The following CC2D2A variants were observed in gnomAD, a reference collection of about 807,000 sequenced individuals.
The protein encoded by CC2D2A is coiled-coil and C2 domain-containing protein 2A.
Under a neutral mutation model 212.9 loss-of-function variants are expected in CC2D2A, and 155 were observed. That is an observed-to-expected ratio of 0.73 (90% CI 0.64 to 0.83). The LOEUF is 0.83. Among genes scored for constraint, CC2D2A ranks in the 40% least tolerant of loss-of-function variants. The probability of loss-of-function intolerance (pLI) is 0.00; values close to 1 mark genes in which losing one functional copy is unlikely to be tolerated. For missense variants in CC2D2A, 1,856 were observed against 1,956.2 expected, an observed-to-expected ratio of 0.95 and a Z score of 0.97; for synonymous variants, 667 against 686.5, an observed-to-expected ratio of 0.97 and a Z score of 0.44.
At chr4:15,533,824 T>G (rs1211490904) in intron 14 of CC2D2A, among the ~76,000 whole-genome samples, 2 of 152,240 alleles carry the variant, frequency 1.3e-5, no homozygotes, top group East Asian at 1.9e-4. Context: ...TATTCCATTT[T>G]CAACTGTTAC....
At chr4:15,534,374 A>G (rs1362052066) in intron 14 of CC2D2A, among the ~76,000 whole-genome samples, 1 of 152,184 alleles carries the variant, frequency 6.6e-6, no homozygotes, top group Non-Finnish European at 1.5e-5. Context: ...TGCTTTTTAA[A>G]TGCTTCCCCT....
At chr4:15,518,504 T>A (rs1717013518) in intron 11 of CC2D2A, among the ~76,000 whole-genome samples, 1 of 152,184 alleles carries the variant, frequency 6.6e-6, no homozygotes, top group Non-Finnish European at 1.5e-5. Context: ...TGGAGGACAG[T>A]GGCCCTCTTC....
intron 30 of CC2D2A, among the ~76,000 whole-genome samples, chr4:15,582,592 T>C (rs1037268204): frequency 6.6e-6 from 1 of 152,010 alleles, no homozygotes; most frequent in African/African-American, 2.4e-5. Context: ...ATTATAAAAC[T>C]TGGAAGAAAC....
intron 22 of CC2D2A, among the ~76,000 whole-genome samples, chr4:15,559,669 T>TCTTTTTTTG (rs151108036): frequency 1.3e-5 from 2 of 151,734 alleles, no homozygotes; most frequent in Admixed American, 6.6e-5. Context: ...CGTTTGTCCT[T>TCTTTTTTTG]TTTCCTTCTT....
rs185577950 is a variant in CC2D2A at position 15,569,597 on chromosome 4, A to G, written c.3495+208A>G. ...AAAGTGGTGAAAGAATAGCTACTCC[A>G]TAGACAGAATAGGGTGTTCTCGAAA... On this transcript the variant is annotated intron_variant, in intron 27 of 36. Coordinates refer to ENST00000424120, the MANE Select transcript of CC2D2A (RefSeq NM_001378615.1). Among the ~76,000 whole-genome samples, 379 of 152,324 alleles carry G rather than the reference A, an allele frequency of 2.5e-3. 3 individuals carry two copies. The highest frequency in any genetic ancestry group is 8.8e-3 in the African/African-American group (364 of 41,570).
intron 30 of CC2D2A, among the ~76,000 whole-genome samples, chr4:15,581,544 C>T (rs981135542): frequency 2.0e-5 from 3 of 152,286 alleles, no homozygotes; most frequent in Admixed American, 1.3e-4. Context: ...CTACAGCAGC[C>T]TGGAAGACTG....
chr4:15,510,070 C>A (rs1716481067), intron 6 of CC2D2A, 69 bp from the exon 7 acceptor site: 1 of 1,216,316 alleles, frequency 8.2e-7, no homozygotes, highest in Non-Finnish European at 1.2e-6. Flanking sequence ...GGGGGTTAAC[C>A]TTCATTTTAG....
chr4:15,559,235 T>C lies in CC2D2A; in HGVS notation c.2900T>C (p.Ile967Thr), dbSNP rs794727374. The change falls in exon 22 of 37, where the codon ATA (isoleucine) becomes ACA (threonine). Residue 967 changes from isoleucine to threonine, a missense_variant. By Grantham distance (89) the Ile-to-Thr change is moderately conservative. This residue lies in a region of CC2D2A where 1,512 missense variants were observed against 1,579.3 expected (regional missense o/e 0.96). Coordinates refer to ENST00000424120, the MANE Select transcript of CC2D2A (RefSeq NM_001378615.1). ...TKEHIDTHRA[I>T]VAKYLQQVRE... ...GAACACATAGACACCCATAGGGCCA[T>C]AGTAGCCAAGTACCTCCAGCAGGTA... The C allele has an allele frequency of 1.4e-5, 21 of 1,552,690 alleles. No homozygotes were observed. Among genetic ancestry groups the C allele is most frequent in the Middle Eastern group, 1.7e-4 (1 of 5,994 alleles).
chr4:15,486,774 G>A (rs1015982044), intron 4 of CC2D2A, among the ~76,000 whole-genome samples: 3 of 151,828 alleles, frequency 2.0e-5, no homozygotes, highest in South Asian at 4.1e-4. Flanking sequence ...CATTTTTGAC[G>A]TAGGTATTTA....
At chr4:15,546,416 A>G (rs1718713265) in intron 17 of CC2D2A, among the ~76,000 whole-genome samples, 1 of 152,108 alleles carries the variant, frequency 6.6e-6, no homozygotes. Flanking sequence ...ATTTTTCCTT[A>G]TTAGTCAATC....
Position 15,526,170 on chromosome 4 carries a change from T to C in CC2D2A, c.1150-1277T>C, listed in dbSNP as rs193049288. On this transcript the variant is annotated intron_variant, in intron 11 of 36. Coordinates refer to ENST00000424120, the MANE Select transcript of CC2D2A (RefSeq NM_001378615.1). ...AGGGCTGTCTTCCCTTCTAAATTGA[T>C]TGCTGCTTGAAGACAGGCTGTATCA... is the stretch of plus-strand genomic sequence containing the variant. 2.1e-3 allele frequency among the ~76,000 whole-genome samples: 318 copies of C among 152,322 alleles called. 3 individuals carry two copies. Among genetic ancestry groups the C allele is most frequent in the Non-Finnish European group, 2.0e-3 (139 of 68,026 alleles).
intron 31 of CC2D2A, 21 bp from the exon 32 acceptor site, chr4:15,587,795 A>AT (rs752759735): frequency 6.4e-4 from 842 of 1,315,162 alleles, no homozygotes; most frequent in Non-Finnish European, 8.0e-4. Flanking sequence ...ATACAACATA[A>AT]TTTTTTTTTC....
chr4:15,514,640 T>A (rs996923870), intron 8 of CC2D2A, 67 bp from the exon 9 acceptor site: 79 of 1,253,216 alleles, frequency 6.3e-5, no homozygotes, highest in Non-Finnish European at 7.3e-5. Flanking sequence ...AGTTTGGTAT[T>A]GTGAATTATT....
chr4:15,556,342 C>T (rs1443818409), intron 20 of CC2D2A, among the ~76,000 whole-genome samples: 1 of 152,094 alleles, frequency 6.6e-6, no homozygotes, highest in Non-Finnish European at 1.5e-5. Flanking sequence ...CATAACAAAC[C>T]TTGGTTTATT....
intron 23 of CC2D2A, among the ~76,000 whole-genome samples, 176 bp from the exon 24 acceptor site, chr4:15,563,179 T>C (rs972465477): frequency 2.0e-5 from 3 of 152,226 alleles, no homozygotes; most frequent in Non-Finnish European, 2.9e-5. Flanking sequence ...TAACAATCCA[T>C]GCAGTAGGAT....
chr4:15,477,578 T>C (rs1714312276), intron 2 of CC2D2A, among the ~76,000 whole-genome samples: 1 of 152,202 alleles, frequency 6.6e-6, no homozygotes, highest in East Asian at 1.9e-4. Flanking sequence ...TAGAATTGAA[T>C]TAAAAGCCAT....
chr4:15,545,170 G>A (rs1478351435), intron 17 of CC2D2A, among the ~76,000 whole-genome samples: 1 of 152,146 alleles, frequency 6.6e-6, no homozygotes, highest in Non-Finnish European at 1.5e-5. Flanking sequence ...ATGATTGCTA[G>A]ATTTAAACTA....
At chr4:15,598,934 C>T (rs1018025106) in intron 35 of CC2D2A, among the ~76,000 whole-genome samples, 1 of 152,012 alleles carries the variant, frequency 6.6e-6, no homozygotes. Context: ...CCAAGGCAGG[C>T]GGATCACTTG....
chr4:15,589,821 TA>T lies in CC2D2A; in HGVS notation c.4314+146del, dbSNP rs5856307. The T allele has an allele frequency of 1, 311,419 of 312,464 alleles. 155,203 individuals carry two copies. The highest frequency in any genetic ancestry group is 1 in the East Asian group (11,602 of 11,604). 19.4% of individuals were successfully genotyped at this position (312,464 alleles called of 1,614,324 possible). On this transcript the variant is annotated intron_variant, in intron 33 of 36. Coordinates refer to ENST00000424120, the MANE Select transcript of CC2D2A (RefSeq NM_001378615.1). Reference sequence around the variant, plus strand: ...TATACACACATATATATATACCAGTTAAAAGAAATGCAGTGTCAAGCACAGT... The same window carrying T: ...TATACACACATATATATATACCAGTTAAAGAAATGCAGTGTCAAGCACAGT...
Sources: allele counts gnomAD v4.1 joint callset (sites outside exome capture counted in the v4.1 genomes callset), GRCh38; gene constraint gnomAD v4.1.1; regional missense constraint gnomAD v4.1.1; transcripts MANE v1.5; gene names NCBI Gene and HGNC (gene_info 2026-07-23, HGNC 2026-07-21).